SP140L: variants seen among roughly 807,000 people sequenced by gnomAD.
SP140L encodes the protein nuclear body protein SP140-like protein.
Under a neutral mutation model 84.3 loss-of-function variants are expected in SP140L, and 64 were observed. That is an observed-to-expected ratio of 0.76 (90% CI 0.62 to 0.94). The LOEUF is 0.94. Ranked by LOEUF, SP140L falls within the 40% of genes least tolerant of loss-of-function variation. SP140L has a pLI of 0.00. For synonymous variants in SP140L, 242 were observed against 236.9 expected, an observed-to-expected ratio of 1.02 and a Z score of -0.20; for missense variants, 628 against 692.5, an observed-to-expected ratio of 0.91 and a Z score of 1.05.
Position 230,396,817 on chromosome 2 carries a change from C to G in SP140L, c.1197+19C>G, listed in dbSNP as rs1291710202. On this transcript the variant is annotated intron_variant, in intron 14 of 18. Coordinates refer to ENST00000415673, the MANE Select transcript of SP140L (RefSeq NM_138402.6). ...CCCTTGTGTAAGTATAAATTCTGAACTACAACCCCCAGAATATTCCACTTC... is the reference window on the plus strand; with the variant it reads ...CCCTTGTGTAAGTATAAATTCTGAAGTACAACCCCCAGAATATTCCACTTC... 5.0e-6 allele frequency: 8 copies of G among 1,613,390 alleles called. No homozygotes were observed. The highest frequency in any genetic ancestry group is 6.8e-6 in the Non-Finnish European group (8 of 1,179,464).
intron 2 of SP140L, among the ~76,000 whole-genome samples, chr2:230,335,713 G>A (rs2059851578): frequency 6.6e-6 from 1 of 152,160 alleles, no homozygotes; most frequent in Non-Finnish European, 1.5e-5. Context: ...GAAAGTGGGA[G>A]GGGAAGAGAG....
At chr2:230,382,275 C>T (rs963044140) in intron 7 of SP140L, among the ~76,000 whole-genome samples, 2 of 149,864 alleles carry the variant, frequency 1.3e-5, no homozygotes, top group African/African-American at 4.9e-5. Flanking sequence ...ATGCCTGGTG[C>T]GGAGAGGCTG....
intron 2 of SP140L, among the ~76,000 whole-genome samples, chr2:230,344,775 A>G (rs2060161210): frequency 6.6e-6 from 1 of 152,090 alleles, no homozygotes; most frequent in Admixed American, 6.5e-5. Flanking sequence ...TTGGATATTC[A>G]AGAATGTATT....
rs568829143 is a variant in SP140L, at chr2:230,400,721, C to A, written c.1314-234C>A. 5.2e-5 allele frequency: 48 copies of A among 915,224 alleles called. No homozygotes were observed. The East Asian group carries it at 6.6e-4, about 13-fold the overall frequency. The allele number at this position is 915,224 out of a possible 1,614,324, so 56.7% of individuals were successfully genotyped here. A position where few individuals can be genotyped will look rare whatever the true frequency, so the allele number is the denominator to read the frequency against. ...AGCTCAGACAGGGAAAGGATAGTCCCCACTCACGGTGACACCACCTTCCTG... is the reference window on the plus strand; with the variant it reads ...AGCTCAGACAGGGAAAGGATAGTCCACACTCACGGTGACACCACCTTCCTG... On this transcript the variant is annotated intron_variant, in intron 15 of 18. Coordinates refer to ENST00000415673, the MANE Select transcript of SP140L (RefSeq NM_138402.6).
Position 230,327,260 on chromosome 2 carries a change from G to A in SP140L, c.-10G>A. The stretch of plus-strand genomic sequence containing the variant: ...GGCTCTGACACCCAGGCAGGGCCTA[G>A]GGTGGGACGATGGCAGGTGGGGGCA... On this transcript the variant is annotated 5_prime_UTR_variant, in exon 1 of 19. Transcript: ENST00000415673. The A allele has an allele frequency of 6.2e-7, 1 of 1,610,310 alleles. No individual in the cohort carries two copies. The highest frequency in any genetic ancestry group is 8.5e-7 in the Non-Finnish European group (1 of 1,178,286).
rs2061679855 is a variant in SP140L, at chr2:230,388,550, C to T, written c.785-9C>T. ...TTGTAACTGTGATTTTATTATTCTACTTTCTCAGGGAGAAAGAGAGGCAAA... is the reference window on the plus strand; with the variant it reads ...TTGTAACTGTGATTTTATTATTCTATTTTCTCAGGGAGAAAGAGAGGCAAA... On this transcript the variant is annotated splice_polypyrimidine_tract_variant and intron_variant, in intron 9 of 18. Transcript: ENST00000415673. The T allele has an allele frequency of 1.3e-6, 2 of 1,599,964 alleles. No individual in the cohort carries two copies. The highest frequency in any genetic ancestry group is 2.3e-5 in the South Asian group (2 of 88,114).
In SP140L at chr2:230,383,655, C is replaced by T. The variant is rs567505822; in HGVS notation, c.703+80C>T. 3.5e-5 allele frequency: 49 copies of T among 1,383,648 alleles called. No individual in the cohort carries two copies. In the South Asian group the frequency reaches 5.9e-4, roughly 17 times the overall value. The allele number at this position is 1,383,648 out of a possible 1,614,324, so 85.7% of individuals were successfully genotyped here. A position where few individuals can be genotyped will look rare whatever the true frequency, so the allele number is the denominator to read the frequency against. On this transcript the variant is annotated intron_variant, in intron 8 of 18. Transcript: ENST00000415673. The stretch of plus-strand genomic sequence containing the variant: ...ATTGTATTCTGGAAGGCCTGCAGTT[C>T]ACGAGGGCCAGGAGAGTTCTGTACT...
At chr2:230,367,295 C>CTTTTTTTT (rs200306286) in intron 5 of SP140L, among the ~76,000 whole-genome samples, 2 of 118,052 alleles carry the variant, frequency 1.7e-5, no homozygotes, top group Admixed American at 9.5e-5. Context: ...TCTTTTTTTT[C>CTTTTTTTT]TTTTTTTTTT....
chr2:230,327,226 C>G lies in SP140L; in HGVS notation c.-44C>G. The G allele has an allele frequency of 6.3e-7, 1 of 1,591,188 alleles. No individual in the cohort carries two copies. Among genetic ancestry groups the G allele is most frequent in the South Asian group, 1.1e-5 (1 of 87,848 alleles). ...CGCAGGCTGGGCCGACTGGGGAGCT[C>G]ATAGGCCAGGCTCTGACACCCAGGC... is the stretch of plus-strand genomic sequence containing the variant. On this transcript the variant is annotated 5_prime_UTR_variant, in exon 1 of 19. Coordinates refer to ENST00000415673, the MANE Select transcript of SP140L (RefSeq NM_138402.6).
intron 7 of SP140L, 52 bp from the exon 8 acceptor site, chr2:230,383,458 A>G (rs180674096): frequency 3.9e-6 from 6 of 1,521,944 alleles, no homozygotes; most frequent in Admixed American, 2.2e-5. Context: ...TAAAGCTCAA[A>G]TAATTATATT....
In SP140L at chr2:230,357,843, T is replaced by G; in HGVS notation, c.146T>G (p.Val49Gly). ...TEDQDVDEGL[V>G]YDTVFKHFKR... ...GACCAGGATGTAGATGAGGGACTTG[T>G]CTATGACACTGTATTCAAGCACTTC... is the stretch of plus-strand genomic sequence containing the variant. The change falls in exon 3 of 19, where the codon GTC (valine) becomes GGC (glycine). Residue 49 changes from valine (V) to glycine (G), a missense_variant. Physicochemically the swap from Val to Gly is moderately radical, Grantham distance 109. This residue lies in a region of SP140L where 525 missense variants were observed against 518.4 expected (regional missense o/e 1.01). Transcript: ENST00000415673. 1 of 1,614,028 alleles carries G rather than the reference T, an allele frequency of 6.2e-7. No individual in the cohort carries two copies. Among genetic ancestry groups the G allele is most frequent in the Non-Finnish European group, 8.5e-7 (1 of 1,179,924 alleles).
At chr2:230,347,305 G>A (rs2060237587) in intron 2 of SP140L, among the ~76,000 whole-genome samples, 2 of 152,116 alleles carry the variant, frequency 1.3e-5, no homozygotes, top group Non-Finnish European at 2.9e-5. Flanking sequence ...GATTAATCAG[G>A]GTTGCAGGCT....
chr2:230,392,324 GC>G lies in SP140L; in HGVS notation c.1107+96del, dbSNP rs2061851799. On this transcript the variant is annotated intron_variant, in intron 12 of 18. Coordinates refer to ENST00000415673, the MANE Select transcript of SP140L (RefSeq NM_138402.6). Reference sequence around the variant, plus strand: ...TTCACCAAATATTTGTTAGGTTATAGCTAAAGCCTTGATGCCAGTGAGTTTA... The same window carrying G: ...TTCACCAAATATTTGTTAGGTTATAGTAAAGCCTTGATGCCAGTGAGTTTA... The G allele has an allele frequency of 1.5e-5, 24 of 1,562,664 alleles. 2 individuals are homozygous for G. In the South Asian group the frequency reaches 2.8e-4, roughly 18 times the overall value.
In SP140L at chr2:230,328,767, G is replaced by C; in HGVS notation, c.43G>C (p.Gly15Arg). The stretch of plus-strand genomic sequence containing the variant: ...AAATTGTCTTTTTAGGGGGCTGAAC[G>C]GAGGTGTTTCACAAGTAGCAAATGA... The part of the protein sequence containing the change: ...GSDLSTRGLN[G>R]GVSQVANEMN... The change falls in exon 2 of 19, where the codon GGA becomes CGA. Residue 15 changes from glycine to arginine, a missense_variant. By Grantham distance (125) the Gly-to-Arg change is moderately radical (BLOSUM62 -2). This residue lies in a region of SP140L where 525 missense variants were observed against 518.4 expected (regional missense o/e 1.01). Coordinates refer to ENST00000415673, the MANE Select transcript of SP140L (RefSeq NM_138402.6). The C allele has an allele frequency of 6.8e-6, 11 of 1,612,678 alleles. No individual in the cohort carries two copies. The highest frequency in any genetic ancestry group is 2.2e-5 in the East Asian group (1 of 44,816).
intron 1 of SP140L, 105 bp downstream of exon 1, chr2:230,327,406 C>G (rs2059609827): frequency 1.5e-6 from 2 of 1,316,494 alleles, no homozygotes; most frequent in Non-Finnish European, 2.1e-6. Context: ...TCCTGCTTTG[C>G]AAGAACATAG....
chr2:230,377,567 C>T (rs538861166), intron 7 of SP140L, among the ~76,000 whole-genome samples: 1 of 152,164 alleles, frequency 6.6e-6, no homozygotes, highest in African/African-American at 2.4e-5. Context: ...GAGGTGTTTC[C>T]AGTTTCAGCT....
At chr2:230,378,376 A>G (rs968468443) in intron 7 of SP140L, among the ~76,000 whole-genome samples, 4 of 152,192 alleles carry the variant, frequency 2.6e-5, no homozygotes, top group Non-Finnish European at 5.9e-5. Flanking sequence ...AGCTCCAGCC[A>G]CAATGTCCAT....
intron 15 of SP140L, 157 bp downstream of exon 15, chr2:230,400,399 C>A: frequency 1.5e-6 from 1 of 685,378 alleles, no homozygotes; most frequent in Admixed American, 2.7e-5. Flanking sequence ...CAGTGGGAGA[C>A]GCTGGCAGCA....
chr2:230,345,467 A>G (rs2060180003), intron 2 of SP140L, among the ~76,000 whole-genome samples: 1 of 151,624 alleles, frequency 6.6e-6, no homozygotes, highest in South Asian at 2.1e-4. Flanking sequence ...CAGGTACTCT[A>G]TTTCTTTTGA....
Sources: allele counts gnomAD v4.1 joint callset (sites outside exome capture counted in the v4.1 genomes callset), GRCh38; gene constraint gnomAD v4.1.1; regional missense constraint gnomAD v4.1.1; transcripts MANE v1.5; gene names NCBI Gene and HGNC (gene_info 2026-07-23, HGNC 2026-07-21).